Variants in SPINK5 observed in about 807,000 individuals in gnomAD.
SPINK5 encodes the protein serine protease inhibitor Kazal-type 5.
A neutral mutation model predicts 151.8 loss-of-function variants in SPINK5; 125 were observed. That is an observed-to-expected ratio of 0.82 (90% confidence interval 0.71 to 0.96). The LOEUF is 0.96. Among genes scored for constraint, SPINK5 ranks in the 40% least tolerant of loss-of-function variants. SPINK5 has a pLI of 0.00. For synonymous variants in SPINK5, 374 were observed against 395.3 expected, an observed-to-expected ratio of 0.95 and a Z score of 0.64; for missense variants, 1,194 against 1,291.9, an observed-to-expected ratio of 0.92 and a Z score of 1.16.
At chr5:148,105,672 G>C (rs1753762413) in intron 16 of SPINK5, among the ~76,000 whole-genome samples, 2 of 151,884 alleles carry the variant, frequency 1.3e-5, no homozygotes, top group African/African-American at 4.8e-5. Context: ...CTAGAGTGCA[G>C]TGGCGCAGAT....
chr5:148,097,537 TTC>T (rs1422865073), intron 10 of SPINK5, among the ~76,000 whole-genome samples: 1 of 152,052 alleles, frequency 6.6e-6, no homozygotes, highest in East Asian at 1.9e-4. Flanking sequence ...CCATGAATTA[TTC>T]TTTTCATTGT....
intron 17 of SPINK5, among the ~76,000 whole-genome samples, chr5:148,108,422 G>A (rs988885): frequency 0.74 from 112,185 of 152,096 alleles, 42,222 homozygotes; most frequent in East Asian, 0.92. Context: ...GGAGAGGAAA[G>A]GTTTAAGCAG....
intron 11 of SPINK5, among the ~76,000 whole-genome samples, chr5:148,098,614 T>C (rs1017515689): frequency 6.6e-6 from 1 of 152,116 alleles, no homozygotes; most frequent in African/African-American, 2.4e-5. Context: ...AATTCCATTG[T>C]ACAAAGCAAA....
chr5:148,086,904 TATG>T (rs1753172102), intron 5 of SPINK5, among the ~76,000 whole-genome samples: 1 of 148,190 alleles, frequency 6.7e-6, no homozygotes, highest in African/African-American at 2.5e-5. Flanking sequence ...AATATAGACT[TATG>T]ATTTTATAAT....
In SPINK5 at chr5:148,120,011, T is replaced by G; in HGVS notation, c.2316T>G (p.Asp772Glu). The G allele has an allele frequency of 6.2e-7, 1 of 1,613,906 alleles. No individual in the cohort carries two copies. Among genetic ancestry groups the G allele is most frequent in the Non-Finnish European group, 8.5e-7 (1 of 1,179,792 alleles). Residue 772 changes from aspartate (D) to glutamate (E), a missense_variant and splice_region_variant, in exon 25 of 33, where the codon GAT becomes GAG. Physicochemically the swap from Asp to Glu is conservative, Grantham distance 45 (BLOSUM62 2). Transcript: ENST00000256084. Reference protein sequence around the residue: ...SNGTGSESGKDTCDEFRSQMK... With the variant: ...SNGTGSESGKETCDEFRSQMK... ...ATATAATCTTCCCATCTTTTCAGGA[T>G]ACATGTGATGAGTTTAGAAGCCAAA...
At position 148,116,480 on chromosome 5, in the gene SPINK5, C is replaced by T; in HGVS notation, c.2112+14C>T. On this transcript the variant is annotated intron_variant, in intron 22 of 32. Coordinates refer to ENST00000256084, the MANE Select transcript of SPINK5 (RefSeq NM_006846.4). Reference sequence around the variant, plus strand: ...GGAAACACTCAGGTGAGAGCAACCTCTAATTTCAGTAACTGGGGCGGGCTC... The same window carrying T: ...GGAAACACTCAGGTGAGAGCAACCTTTAATTTCAGTAACTGGGGCGGGCTC... 6.2e-7 allele frequency: 1 copy of T among 1,613,474 alleles called. No homozygotes were observed. The highest frequency in any genetic ancestry group is 8.5e-7 in the Non-Finnish European group (1 of 1,179,452).
intron 2 of SPINK5, among the ~76,000 whole-genome samples, chr5:148,068,062 A>C (rs1465283893): frequency 6.6e-6 from 1 of 152,122 alleles, no homozygotes; most frequent in South Asian, 2.1e-4. Context: ...TGATTCTACT[A>C]TATGGATTTT....
At chr5:148,112,283 GAGA>G (rs1753955283) in intron 19 of SPINK5, among the ~76,000 whole-genome samples, 1 of 152,142 alleles carries the variant, frequency 6.6e-6, no homozygotes, top group African/African-American at 2.4e-5. Context: ...TATTTCTGGG[GAGA>G]AGAACAATAT....
intron 2 of SPINK5, among the ~76,000 whole-genome samples, chr5:148,068,117 G>T (rs970827182): frequency 6.6e-6 from 1 of 152,070 alleles, no homozygotes; most frequent in African/African-American, 2.4e-5. Flanking sequence ...TGCAAAGTTG[G>T]CATTTGATAC....
intron 20 of SPINK5, 126 bp from the exon 21 acceptor site, chr5:148,114,236 G>C: frequency 9.1e-7 from 1 of 1,094,148 alleles, no homozygotes; most frequent in Non-Finnish European, 1.2e-6. Context: ...CACTATAACT[G>C]CCAGAAAAAA....
intron 21 of SPINK5, among the ~76,000 whole-genome samples, chr5:148,115,668 GT>G (rs1236723558): frequency 6.6e-6 from 1 of 151,842 alleles, no homozygotes; most frequent in Admixed American, 6.6e-5. Context: ...TTTTGTGTTT[GT>G]TTTTTTGTGA....
intron 6 of SPINK5, 68 bp from the exon 7 acceptor site, chr5:148,089,426 A>G (rs1753248597): frequency 6.2e-7 from 1 of 1,608,930 alleles, no homozygotes; most frequent in Admixed American, 1.7e-5. Context: ...GTTCAATAAA[A>G]TTTCTGAAAA....
intron 29 of SPINK5, among the ~76,000 whole-genome samples, chr5:148,126,162 T>C (rs1350999231): frequency 1.3e-5 from 2 of 152,176 alleles, no homozygotes; most frequent in Admixed American, 6.5e-5. Context: ...TCAGACTCAA[T>C]TGAGATGCCT....
chr5:148,129,117 T>A (rs928293248), intron 30 of SPINK5, among the ~76,000 whole-genome samples: 33 of 152,156 alleles, frequency 2.2e-4, no homozygotes, highest in Non-Finnish European at 1.3e-4. Flanking sequence ...GAGAACATAT[T>A]CCAGAGAGAA....
intron 2 of SPINK5, among the ~76,000 whole-genome samples, chr5:148,067,906 A>C (rs1426939094): frequency 6.6e-6 from 1 of 152,078 alleles, no homozygotes; most frequent in African/African-American, 2.4e-5. Context: ...GAGCCACTGC[A>C]CCTGGCCTGA....
At position 148,074,520 on chromosome 5, in the gene SPINK5, C is replaced by A. The variant is rs114188613; in HGVS notation, c.282+2300C>A. ...CACGAGTCTGTGTGTTTCTGAGGTC[C>A]CTCTTTTTTCAGATTCATTTATTGC... On this transcript the variant is annotated intron_variant, in intron 4 of 32. Transcript: ENST00000256084. 5.5e-3 allele frequency among the ~76,000 whole-genome samples: 835 copies of A among 151,654 alleles called. 7 individuals carry two copies. Among genetic ancestry groups the A allele is most frequent in the African/African-American group, 0.019 (796 of 41,426 alleles).
chr5:148,097,518 C>T (rs2113103896), intron 10 of SPINK5, among the ~76,000 whole-genome samples: 1 of 151,982 alleles, frequency 6.6e-6, no homozygotes, highest in East Asian at 1.9e-4. Flanking sequence ...ACATAAGTTC[C>T]CTGAACTTCC....
chr5:148,110,873 G>A (rs945126380), intron 18 of SPINK5, among the ~76,000 whole-genome samples: 1 of 151,762 alleles, frequency 6.6e-6, no homozygotes, highest in Non-Finnish European at 1.5e-5. Context: ...AAAAACCTAG[G>A]TGACGGGTTG....
At chr5:148,065,465 ATAT>A (rs1294833864) in intron 2 of SPINK5, 93 bp downstream of exon 2, 1 of 1,319,026 alleles carries the variant, frequency 7.6e-7, no homozygotes, top group Non-Finnish European at 1.1e-6. Context: ...TAATACAAAC[ATAT>A]TATACTGGTA....
Sources: gnomAD v4.1 joint callset for allele counts (sites outside exome capture counted in the v4.1 genomes callset) on GRCh38, gnomAD v4.1.1 for gene constraint, MANE v1.5 for transcripts, NCBI Gene and HGNC (gene_info 2026-07-23, HGNC 2026-07-21) for gene names.